The following SNX31 variants were observed in gnomAD, a reference collection of about 807,000 sequenced individuals.
SNX31 encodes sorting nexin 31.
A neutral mutation model predicts 65.4 loss-of-function variants in SNX31; 58 were observed. The observed-to-expected ratio is 0.89, with a 90% confidence interval of 0.72 to 1.10. The LOEUF (loss-of-function observed/expected upper bound fraction) is 1.10. SNX31 is among the 50% of genes least tolerant of loss of function. The pLI, the probability that SNX31 is intolerant of heterozygous loss-of-function variation, is 0.00. For synonymous variants in SNX31, 181 were observed against 190.1 expected (o/e 0.95, Z 0.39); for missense variants, 523 against 529.7 (o/e 0.99, Z 0.12).
At chr8:100,640,188 T>C (rs13253080) in intron 2 of SNX31, among the ~76,000 whole-genome samples, 72,139 of 152,048 alleles carry the variant, frequency 0.47, 17,381 homozygotes, top group African/African-American at 0.55. Flanking sequence ...AGTGCAATGG[T>C]GCCATCTTGG....
At chr8:100,605,938 A>C (rs1435842074) in intron 8 of SNX31, among the ~76,000 whole-genome samples, 1 of 152,224 alleles carries the variant, frequency 6.6e-6, no homozygotes, top group Non-Finnish European at 1.5e-5. Flanking sequence ...ACACAGCTAA[A>C]AATGTATCAT....
At chr8:100,632,014 T>C (rs1818448777) in intron 3 of SNX31, among the ~76,000 whole-genome samples, 1 of 152,264 alleles carries the variant, frequency 6.6e-6, no homozygotes, top group African/African-American at 2.4e-5. Flanking sequence ...ATATTATTTC[T>C]GTTTCACGGA....
intron 2 of SNX31, among the ~76,000 whole-genome samples, chr8:100,642,068 G>A (rs1461842318): frequency 7.3e-6 from 1 of 137,286 alleles, no homozygotes; most frequent in African/African-American, 2.8e-5. Flanking sequence ...GACAGAGCGA[G>A]ACTCCATCTC....
Position 100,629,141 on chromosome 8 carries a change from G to A in SNX31, c.321+1186C>T, listed in dbSNP as rs111777052. On this transcript the variant is annotated intron_variant, in intron 4 of 13. Coordinates refer to ENST00000311812, the MANE Select transcript of SNX31 (RefSeq NM_152628.4). This position sits in a 1 kb window ranked among gnomAD's most constrained non-coding sequence, Gnocchi z 5.1. ...ATTTTTAAGTGACACATGATTGTGTGTGTGCATGTATGTGTATATATATGT... is the reference window on the plus strand; with the variant it reads ...ATTTTTAAGTGACACATGATTGTGTATGTGCATGTATGTGTATATATATGT... Among the ~76,000 whole-genome samples the A allele has an allele frequency of 2.6e-5, 4 of 152,212 alleles. No homozygotes were observed. Among genetic ancestry groups the A allele is most frequent in the African/African-American group, 7.2e-5 (3 of 41,528 alleles).
chr8:100,629,739 A>G lies in SNX31; in HGVS notation c.321+588T>C, dbSNP rs759607147. ...GTGTCATTAGAATGAGTGTTGTGCT[A>G]AACAAACGTACTTAGCAGTTTCAGC... is the stretch of plus-strand genomic sequence containing the variant. On this transcript the variant is annotated intron_variant, in intron 4 of 13. Transcript: ENST00000311812. The surrounding 1 kb of genome is among the most constrained non-coding windows in gnomAD (Gnocchi z 5.1). Among the ~76,000 whole-genome samples the G allele has an allele frequency of 7.2e-5, 11 of 152,364 alleles. No homozygotes were observed. The highest frequency in any genetic ancestry group is 1.3e-4 in the Admixed American group (2 of 15,300).
intron 2 of SNX31, among the ~76,000 whole-genome samples, chr8:100,643,693 G>T (rs1424251685): frequency 6.6e-6 from 1 of 152,020 alleles, no homozygotes; most frequent in African/African-American, 2.4e-5. Context: ...GGCAGAAGAT[G>T]GACTCAGTCT....
In SNX31 at chr8:100,630,061, T is replaced by C. The variant is rs1818311926; in HGVS notation, c.321+266A>G. ...TCTTCATGTCCTGTTTTGAGATGTA[T>C]GATTCTTAGGCTACAGAAAAAGGGA... On this transcript the variant is annotated intron_variant, in intron 4 of 13. Transcript: ENST00000311812. The surrounding 1 kb of genome is among the most constrained non-coding windows in gnomAD (Gnocchi z 5.3). Among the ~76,000 whole-genome samples, 1 of 152,234 alleles carries C rather than the reference T, an allele frequency of 6.6e-6. No individual in the cohort carries two copies. The highest frequency in any genetic ancestry group is 6.5e-5 in the Admixed American group (1 of 15,278).
At chr8:100,635,803 T>A in intron 3 of SNX31, 94 bp downstream of exon 3, 1 of 771,752 alleles carries the variant, frequency 1.3e-6, no homozygotes, top group Non-Finnish European at 2.1e-6. Flanking sequence ...ATAAATATAT[T>A]GTAAAAGAAT....
intron 12 of SNX31, among the ~76,000 whole-genome samples, chr8:100,583,326 A>T (rs1813726911): frequency 6.6e-6 from 1 of 151,880 alleles, no homozygotes; most frequent in Admixed American, 6.6e-5. Context: ...GGCTGGTCTC[A>T]AACTCCTGAC....
chr8:100,573,762 G>A lies in SNX31; in HGVS notation c.*103C>T, dbSNP rs1171429415. On this transcript the variant is annotated 3_prime_UTR_variant, in exon 14 of 14. Coordinates refer to ENST00000311812, the MANE Select transcript of SNX31 (RefSeq NM_152628.4). ...GTTAATGCCAAAAAAATGGGAAGAG[G>A]TCAAATTTCCTCCACTGATGGTAGG... 5.8e-6 allele frequency: 4 copies of A among 691,272 alleles called. No individual in the cohort carries two copies. The East Asian group carries it at 1.1e-4, about 19-fold the overall frequency. 42.8% of individuals were successfully genotyped at this position (691,272 alleles called of 1,614,324 possible). A position where few individuals can be genotyped will look rare whatever the true frequency, so the allele number is the denominator to read the frequency against.
chr8:100,627,816 C>T (rs545895356), intron 4 of SNX31, among the ~76,000 whole-genome samples: 9 of 152,084 alleles, frequency 5.9e-5, no homozygotes, highest in South Asian at 2.1e-4. Flanking sequence ...GGATTACAGA[C>T]GTGAGCCACA....
chr8:100,630,848 C>T lies in SNX31; in HGVS notation c.257-457G>A, dbSNP rs1168894424. Among the ~76,000 whole-genome samples, 3 of 152,274 alleles carry T rather than the reference C, an allele frequency of 2.0e-5. No individual in the cohort carries two copies. Among genetic ancestry groups the T allele is most frequent in the Non-Finnish European group, 2.9e-5 (2 of 68,024 alleles). On this transcript the variant is annotated intron_variant, in intron 3 of 13. Transcript: ENST00000311812. This position sits in a 1 kb window ranked among gnomAD's most constrained non-coding sequence, Gnocchi z 5.3. ...AGTCGCCCAGGCTGGAGTGTAGTGGCGTGAGCTCGGCTCACTGCAATGTCC... is the reference window on the plus strand; with the variant it reads ...AGTCGCCCAGGCTGGAGTGTAGTGGTGTGAGCTCGGCTCACTGCAATGTCC...
At chr8:100,577,879 AC>A (rs942238859) in intron 12 of SNX31, among the ~76,000 whole-genome samples, 1 of 152,110 alleles carries the variant, frequency 6.6e-6, no homozygotes, top group Admixed American at 6.5e-5. Flanking sequence ...CTTTTCTCCC[AC>A]CCTCCAATCT....
At position 100,609,776 on chromosome 8, in the gene SNX31, A is replaced by G. The variant is rs557836548; in HGVS notation, c.612-1213T>C. The stretch of plus-strand genomic sequence containing the variant: ...ATCCCTACTTACATTCCAGGTAACT[A>G]TGCACCCACACATCCCAGAGGCCCC... On this transcript the variant is annotated intron_variant, in intron 7 of 13. Transcript: ENST00000311812. The surrounding 1 kb of genome is among the most constrained non-coding windows in gnomAD (Gnocchi z 4.9). Among the ~76,000 whole-genome samples the G allele has an allele frequency of 1.1e-3, 162 of 152,238 alleles. No homozygotes were observed. The highest frequency in any genetic ancestry group is 3.6e-3 in the African/African-American group (149 of 41,548).
Position 100,573,969 on chromosome 8 carries a change from TAAAC to T in SNX31, c.1228-13_1228-10del, listed in dbSNP as rs777722888. 3 of 1,465,300 alleles carry T rather than the reference TAAAC, an allele frequency of 2.0e-6. No homozygotes were observed. The highest frequency in any genetic ancestry group is 2.9e-5 in the African/African-American group (2 of 69,898). 90.8% of individuals were successfully genotyped at this position (1,465,300 alleles called of 1,614,324 possible). On this transcript the variant is annotated splice_polypyrimidine_tract_variant and intron_variant, in intron 13 of 13. Transcript: ENST00000311812. ...CTAGAATAGTCTTTCTGCTGTGAAG[TAAAC>T]AGAGAGGTCAGAAATGTAAATGAAA...
At chr8:100,605,812 T>C (rs1220712212) in intron 8 of SNX31, among the ~76,000 whole-genome samples, 2 of 152,148 alleles carry the variant, frequency 1.3e-5, no homozygotes, top group Non-Finnish European at 2.9e-5. Flanking sequence ...TGCTCGAAGC[T>C]CTGACCTCTC....
In SNX31 at chr8:100,588,935, CT is replaced by C; in HGVS notation, c.1022del (p.Gln341ArgfsTer3). On this transcript the variant is annotated frameshift_variant, in exon 11 of 14. Transcript: ENST00000311812. LOFTEE classifies it high-confidence loss of function. This position sits in a 1 kb window ranked among gnomAD's most constrained non-coding sequence, Gnocchi z 4.8. ...DTDGPQRTLNQNLELRFQYSE... is the reference protein window; with the variant it reads ...DTDGPQRTLNXNLELRFQYSE... ...TGTATTGAAATCTGAGCTCTAAGTT[CT>C]GGTTGAGAGTTCTCTGGGGCCCATC... is the stretch of plus-strand genomic sequence containing the variant. 2 of 1,614,084 alleles carry C rather than the reference CT, an allele frequency of 1.2e-6. No individual in the cohort carries two copies. Among genetic ancestry groups the C allele is most frequent in the Non-Finnish European group, 8.5e-7 (1 of 1,179,982 alleles).
intron 12 of SNX31, among the ~76,000 whole-genome samples, chr8:100,581,767 A>G (rs528886356): frequency 6.6e-6 from 1 of 152,212 alleles, no homozygotes; most frequent in South Asian, 2.1e-4. Flanking sequence ...TCCCTGGAAA[A>G]CAAGGGAATG....
At chr8:100,644,505 C>T (rs143070274) in intron 2 of SNX31, among the ~76,000 whole-genome samples, 1 of 152,244 alleles carries the variant, frequency 6.6e-6, no homozygotes, top group African/African-American at 2.4e-5. Flanking sequence ...GTTCACACAG[C>T]AGGAAGATGA....
Sources: gnomAD v4.1 joint callset for allele counts (sites outside exome capture counted in the v4.1 genomes callset) on GRCh38, gnomAD v4.1.1 for gene constraint, Gnocchi (gnomAD v3.1) non-coding constraint, MANE v1.5 for transcripts, NCBI Gene and HGNC (gene_info 2026-07-23, HGNC 2026-07-21) for gene names.